The following NPAS2 variants were observed in gnomAD, a reference collection of about 807,000 sequenced individuals.
NPAS2 encodes the protein neuronal PAS domain protein 2, also known as neuronal PAS domain-containing protein 2.
A neutral mutation model predicts 107.5 loss-of-function variants in NPAS2; 23 were observed. That is an observed-to-expected ratio of 0.21 (90% confidence interval 0.15 to 0.30). The LOEUF (loss-of-function observed/expected upper bound fraction) is 0.30, where lower values mean the gene tolerates loss of function less well. Ranked by LOEUF, NPAS2 falls within the 10% of genes least tolerant of loss-of-function variation. The pLI is 1.00. For synonymous variants in NPAS2, 403 were observed against 417.5 expected (o/e 0.97, Z 0.42); for missense variants, 756 against 1,043.3 (o/e 0.72, Z 3.79).
intron 13 of NPAS2, 114 bp downstream of exon 13, chr2:100,975,058 G>T: frequency 8.6e-7 from 1 of 1,167,746 alleles, no homozygotes. Context: ...TCCGACAGAG[G>T]TTGCCGTGCA....
At chr2:100,934,998 C>T (rs942307221) in intron 4 of NPAS2, 4 of 985,252 alleles carry the variant, frequency 4.1e-6, no homozygotes, top group Non-Finnish European at 4.8e-6. Flanking sequence ...ATGTGACTCC[C>T]GTCTTCTTCC....
In NPAS2 at chr2:100,976,371, G is replaced by A. The variant is rs1439897871; in HGVS notation, c.1392+804G>A. ...GGTGGTGGACTCCAGGTTCCAAGAG[G>A]AGACACCTGGAGACGCAGGCAGGAA... On this transcript the variant is annotated intron_variant, in intron 14 of 20. Coordinates refer to ENST00000335681, the MANE Select transcript of NPAS2 (RefSeq NM_002518.4). The surrounding 1 kb of genome is among the most constrained non-coding windows in gnomAD (Gnocchi z 4.1). Among the ~76,000 whole-genome samples, 1 of 152,084 alleles carries A rather than the reference G, an allele frequency of 6.6e-6. No homozygotes were observed. Among genetic ancestry groups the A allele is most frequent in the African/African-American group, 2.4e-5 (1 of 41,416 alleles).
chr2:100,881,222 G>T (rs1680312480), intron 1 of NPAS2, among the ~76,000 whole-genome samples: 1 of 152,200 alleles, frequency 6.6e-6, no homozygotes, highest in Admixed American at 6.5e-5. Flanking sequence ...AATGACTGTG[G>T]TGCCTGCGAG....
intron 4 of NPAS2, chr2:100,935,084 A>G (rs538149654): frequency 6.1e-6 from 6 of 982,486 alleles, no homozygotes; most frequent in Non-Finnish European, 2.4e-6. Flanking sequence ...AACAAAATTG[A>G]CCTGGCTGAA....
chr2:100,966,352 C>T (rs577747529), intron 10 of NPAS2, among the ~76,000 whole-genome samples: 5 of 152,100 alleles, frequency 3.3e-5, no homozygotes, highest in South Asian at 2.1e-4. Context: ...ACATACGAGG[C>T]GAACACATTA....
At chr2:100,936,885 A>G (rs1201773620) in intron 4 of NPAS2, among the ~76,000 whole-genome samples, 1 of 150,924 alleles carries the variant, frequency 6.6e-6, no homozygotes, top group Non-Finnish European at 1.5e-5. Context: ...GGGACACTGA[A>G]GCAGGAGAAT....
chr2:100,974,708 T>C, intron 12 of NPAS2, 95 bp from the exon 13 acceptor site: 1 of 1,374,208 alleles, frequency 7.3e-7, no homozygotes, highest in African/African-American at 1.4e-5. Context: ...TCTCAGCAGC[T>C]TCTGAGGTTG....
intron 1 of NPAS2, among the ~76,000 whole-genome samples, chr2:100,882,426 A>C (rs573190628): frequency 1.3e-5 from 2 of 149,738 alleles, no homozygotes; most frequent in Admixed American, 6.6e-5. Flanking sequence ...TGGCTAACAC[A>C]GTGAAACCCC....
intron 1 of NPAS2, among the ~76,000 whole-genome samples, chr2:100,860,866 ATTG>A (rs1678897881): frequency 6.7e-6 from 1 of 149,646 alleles, no homozygotes; most frequent in South Asian, 2.1e-4. Flanking sequence ...GTTTTTTTTT[ATTG>A]TTTGTTGTTG....
At chr2:100,850,727 A>C (rs1328310499) in intron 1 of NPAS2, among the ~76,000 whole-genome samples, 6 of 151,990 alleles carry the variant, frequency 3.9e-5, no homozygotes, top group East Asian at 3.9e-4. Flanking sequence ...CCGAGGTGGG[A>C]GGATCACTTG....
Position 100,990,361 on chromosome 2 carries a change from C to T in NPAS2, c.1933C>T (p.Leu645=). The part of the protein sequence containing the change: ...SSATAALPPS[L]NLTTPASTSQ... ...CGCCACAGCTGCGCTCCCGCCAAGT[C>T]TGAATCTGACCACACCTGCTTCCAC... The change falls in exon 18 of 21, where the codon CTG becomes TTG. Residue 645 remains leucine, a synonymous_variant. Transcript: ENST00000335681. 1 of 1,614,234 alleles carries T rather than the reference C, an allele frequency of 6.2e-7. No homozygotes were observed. The highest frequency in any genetic ancestry group is 1.3e-5 in the African/African-American group (1 of 75,056).
intron 1 of NPAS2, among the ~76,000 whole-genome samples, chr2:100,832,987 CTG>C (rs1173978489): frequency 2.0e-5 from 3 of 152,174 alleles, no homozygotes; most frequent in African/African-American, 7.2e-5. Context: ...GAGGCGATGT[CTG>C]TGTTTTCTAA....
intron 1 of NPAS2, among the ~76,000 whole-genome samples, chr2:100,829,189 T>G (rs1010182114): frequency 1.4e-5 from 2 of 138,540 alleles, no homozygotes; most frequent in Admixed American, 7.0e-5. Flanking sequence ...TTTTGTTGTT[T>G]TTTTTTTTTT....
intron 6 of NPAS2, 88 bp downstream of exon 6, chr2:100,948,443 T>A: frequency 1.7e-6 from 2 of 1,189,788 alleles, no homozygotes; most frequent in Non-Finnish European, 2.3e-6. Context: ...AAGGGAGAAC[T>A]AATTTTAAGA....
At chr2:100,933,136 C>A in intron 4 of NPAS2, 135 bp downstream of exon 4, 1 of 632,202 alleles carries the variant, frequency 1.6e-6, no homozygotes. Context: ...AGATACCTCC[C>A]TGAGGCTCTC....
At position 100,975,478 on chromosome 2, in the gene NPAS2, G is replaced by A. The variant is rs1676924359; in HGVS notation, c.1303G>A (p.Ala435Thr). 6.2e-7 allele frequency: 1 copy of A among 1,613,004 alleles called. No homozygotes were observed. Among genetic ancestry groups the A allele is most frequent in the Non-Finnish European group, 8.5e-7 (1 of 1,179,482 alleles). Residue 435 changes from alanine to threonine, a missense_variant, in exon 14 of 21, where the codon GCA (alanine) becomes ACA (threonine). By Grantham distance (58) the Ala-to-Thr change is moderately conservative. Transcript: ENST00000335681. ...EPTSTPTKLM[A>T]EASTPALPRS... ...TACAGCCACTCCCACCAAGCTGATG[G>A]CAGAGGCCAGCACCCCGGCTTTGCC... is the stretch of plus-strand genomic sequence containing the variant.
At chr2:100,871,863 C>T (rs1030879795) in intron 1 of NPAS2, among the ~76,000 whole-genome samples, 2 of 152,068 alleles carry the variant, frequency 1.3e-5, no homozygotes, top group Non-Finnish European at 2.9e-5. Flanking sequence ...TAGTTAGACG[C>T]TTAAAGTCTC....
intron 1 of NPAS2, among the ~76,000 whole-genome samples, chr2:100,867,465 A>T (rs775264123): frequency 7.9e-4 from 121 of 152,258 alleles, no homozygotes; most frequent in Middle Eastern, 3.4e-3. Context: ...CTACTAAGTT[A>T]TGTTTATTGC....
chr2:100,957,906 C>T (rs141897368), intron 7 of NPAS2, among the ~76,000 whole-genome samples: 160 of 152,154 alleles, frequency 1.1e-3, no homozygotes, highest in African/African-American at 3.7e-3. Flanking sequence ...CCAGCCTGGG[C>T]GACAGAGCGA....
Sources: allele counts gnomAD v4.1 joint callset (sites outside exome capture counted in the v4.1 genomes callset), GRCh38; gene constraint gnomAD v4.1.1; non-coding constraint Gnocchi (gnomAD v3.1); transcripts MANE v1.5; gene names NCBI Gene and HGNC (gene_info 2026-07-23, HGNC 2026-07-21).